Variants in FZD5 observed in about 807,000 individuals in gnomAD.
FZD5 encodes the protein frizzled-5.
FZD5 carries 12 observed loss-of-function variants against 40.8 expected under a neutral mutation model. That is an observed-to-expected ratio of 0.29 (90% CI 0.19 to 0.48). FZD5 has a LOEUF of 0.48. Among genes scored for constraint, FZD5 ranks in the 20% least tolerant of loss-of-function variants. The probability of loss-of-function intolerance (pLI) is 0.99; values close to 1 mark genes in which losing one functional copy is unlikely to be tolerated. For missense variants in FZD5, 622 were observed against 832.8 expected, an observed-to-expected ratio of 0.75 and a Z score of 3.12; for synonymous variants, 380 against 383.7, an observed-to-expected ratio of 0.99 and a Z score of 0.11.
rs1055002036 is a variant in FZD5, at chr2:207,768,781, GCA to G, written c.-44_-43del. 9.1e-6 allele frequency: 13 copies of G among 1,434,334 alleles called. No homozygotes were observed. The African/African-American group carries it at 1.7e-4, about 19-fold the overall frequency. 88.9% of individuals were successfully genotyped at this position (1,434,334 alleles called of 1,614,324 possible). On this transcript the variant is annotated 5_prime_UTR_variant, in exon 2 of 2. Transcript: ENST00000295417. The stretch of plus-strand genomic sequence containing the variant: ...TCGCCTCCAGCAGCCCGCGAGGGAC[GCA>G]CACAGGCAGAGGAATCCGGGCCGGG...
Position 207,768,428 on chromosome 2 carries a change from G to A in FZD5, c.312C>T (p.Pro104=), listed in dbSNP as rs368240001. The change falls in exon 2 of 2, where the codon CCC becomes CCT. Residue 104 remains proline, a synonymous_variant. Coordinates refer to ENST00000295417, the MANE Select transcript of FZD5 (RefSeq NM_003468.4). The part of the protein sequence containing the change: ...CLPDYHKPLP[P]CRSVCERAKA... ...TGGCGCGCTCGCACACCGAGCGGCA[G>A]GGCGGCAGCGGCTTGTGGTAGTCGG... is the stretch of plus-strand genomic sequence containing the variant. The A allele has an allele frequency of 7.5e-6, 12 of 1,608,984 alleles. No homozygotes were observed. In the African/African-American group the frequency reaches 1.3e-4, roughly 18 times the overall value.
Position 207,764,431 on chromosome 2 carries a change from G to C in FZD5, c.*2551C>G, listed in dbSNP as rs560452345. 1.2e-4 allele frequency: 19 copies of C among 152,272 alleles called. No homozygotes were observed. Among genetic ancestry groups the C allele is most frequent in the African/African-American group, 4.6e-4 (19 of 41,532 alleles). 9.4% of individuals were successfully genotyped at this position (152,272 alleles called of 1,614,324 possible). ...GGGTGGCTGATCTCAGTAAGACTTA[G>C]GGATGCAGGTGGGCTTTTATCTTTG... On this transcript the variant is annotated 3_prime_UTR_variant, in exon 2 of 2. Transcript: ENST00000295417.
rs750398556 is a variant in FZD5, at chr2:207,767,107, G to A, written c.1633C>T (p.His545Tyr). 1.2e-4 allele frequency: 181 copies of A among 1,570,216 alleles called. No individual in the cohort carries two copies. The East Asian group carries it at 4.1e-3, about 35-fold the overall frequency. Residue 545 changes from histidine (H) to tyrosine (Y), a missense_variant, in exon 2 of 2, where the codon CAC becomes TAC. By Grantham distance (83) the His-to-Tyr change is moderately conservative. Transcript: ENST00000295417. ...SRCCCRPRRG[H>Y]KSGGAMAAGD... ...GCGGCCATGGCGCCCCCGCTCTTGT[G>A]GCCGCGCCGCGGGCGGCAGCAGCAG...
Position 207,768,920 on chromosome 2 carries a change from C to T in FZD5, c.-181G>A. 1 of 601,360 alleles carries T rather than the reference C, an allele frequency of 1.7e-6. No homozygotes were observed. The highest frequency in any genetic ancestry group is 3.0e-6 in the Non-Finnish European group (1 of 334,744). 37.3% of individuals were successfully genotyped at this position (601,360 alleles called of 1,614,324 possible). A position where few individuals can be genotyped will look rare whatever the true frequency, so the allele number is the denominator to read the frequency against. ...AACTGCTTCGGGAAGGCGCTGCCTC[C>T]GCTGGCAGCGCTCCGCTCCTCGCCG... On this transcript the variant is annotated 5_prime_UTR_variant, in exon 2 of 2. Coordinates refer to ENST00000295417, the MANE Select transcript of FZD5 (RefSeq NM_003468.4).
chr2:207,768,362 G>A lies in FZD5; in HGVS notation c.378C>T (p.Ala126=). 1.3e-6 allele frequency: 2 copies of A among 1,588,210 alleles called. No homozygotes were observed. The highest frequency in any genetic ancestry group is 8.5e-7 in the Non-Finnish European group (1 of 1,171,726). ...CSPLMRQYGF[A]WPERMSCDRL... is the part of the protein sequence containing the mutation. ...GGTCGCAGCTCATGCGCTCGGGCCA[G>A]GCGAAGCCGTACTGGCGCATCAGCG... is the stretch of plus-strand genomic sequence containing the variant. The change falls in exon 2 of 2, where the codon GCC becomes GCT. Residue 126 remains alanine (A), a synonymous_variant. Coordinates refer to ENST00000295417, the MANE Select transcript of FZD5 (RefSeq NM_003468.4).
Position 207,768,780 on chromosome 2 carries a change from C to A in FZD5, c.-41G>T, listed in dbSNP as rs747465454. ...CTCGCCTCCAGCAGCCCGCGAGGGA[C>A]GCACACAGGCAGAGGAATCCGGGCC... On this transcript the variant is annotated 5_prime_UTR_variant, in exon 2 of 2. Coordinates refer to ENST00000295417, the MANE Select transcript of FZD5 (RefSeq NM_003468.4). 14 of 1,435,474 alleles carry A rather than the reference C, an allele frequency of 9.8e-6. No individual in the cohort carries two copies. The South Asian group carries it at 1.5e-4, about 16-fold the overall frequency. The allele number at this position is 1,435,474 out of a possible 1,614,324, so 88.9% of individuals were successfully genotyped here.
In FZD5 at chr2:207,767,859, G is replaced by C; in HGVS notation, c.881C>G (p.Ala294Gly). ...GTGCTCGCGGCTGCAGGCCACGCTG[G>C]CATGGCCCACGACCAGACGCACCAG... is the stretch of plus-strand genomic sequence containing the variant. Reference protein sequence around the residue: ...GFLVRLVVGHASVACSREHNH... With the variant: ...GFLVRLVVGHGSVACSREHNH... Residue 294 changes from alanine to glycine, a missense_variant, in exon 2 of 2, where the codon GCC becomes GGC. By Grantham distance (60) the Ala-to-Gly change is moderately conservative. Around this residue, in one of 4 missense-constraint regions of FZD5, gnomAD observed 208 missense variants for 348.9 expected, o/e 0.60. Coordinates refer to ENST00000295417, the MANE Select transcript of FZD5 (RefSeq NM_003468.4). 1 of 1,599,304 alleles carries C rather than the reference G, an allele frequency of 6.3e-7. No homozygotes were observed. Among genetic ancestry groups the C allele is most frequent in the Non-Finnish European group, 8.5e-7 (1 of 1,173,202 alleles).
chr2:207,765,319 A>G lies in FZD5; in HGVS notation c.*1663T>C, dbSNP rs1261221947. The G allele has an allele frequency of 2.0e-5, 3 of 152,154 alleles. No homozygotes were observed. Among genetic ancestry groups the G allele is most frequent in the Non-Finnish European group, 4.4e-5 (3 of 68,030 alleles). The allele number at this position is 152,154 out of a possible 1,614,324, so 9.4% of individuals were successfully genotyped here. ...TTTAGCTTCCTAAATTTAGTCCCCA[A>G]TCCTGGTCATTGGTATTTTGCTGGC... On this transcript the variant is annotated 3_prime_UTR_variant, in exon 2 of 2. Transcript: ENST00000295417.
At position 207,765,702 on chromosome 2, in the gene FZD5, G is replaced by A. The variant is rs1458828134; in HGVS notation, c.*1280C>T. 3 of 152,568 alleles carry A rather than the reference G, an allele frequency of 2.0e-5. No homozygotes were observed. In the East Asian group the frequency reaches 5.8e-4, roughly 30 times the overall value. 9.5% of individuals were successfully genotyped at this position (152,568 alleles called of 1,614,324 possible). A position where few individuals can be genotyped will look rare whatever the true frequency, so the allele number is the denominator to read the frequency against. On this transcript the variant is annotated 3_prime_UTR_variant, in exon 2 of 2. Coordinates refer to ENST00000295417, the MANE Select transcript of FZD5 (RefSeq NM_003468.4). ...CAGAGAGCAACGTCTTGCTGCTCTT[G>A]GAATATCTGGCTATAAACTAGTCCA...
chr2:207,764,469 G>A lies in FZD5; in HGVS notation c.*2513C>T. 6.6e-6 allele frequency: 1 copy of A among 152,296 alleles called. No individual in the cohort carries two copies. The highest frequency in any genetic ancestry group is 1.9e-4 in the East Asian group (1 of 5,186). 9.4% of individuals were successfully genotyped at this position (152,296 alleles called of 1,614,324 possible). Reference sequence around the variant, plus strand: ...GCTTTTATCTTTGTCTCTCTTAGGGGATGAGGGAAGAGAGGGACAGCAGAG... The same window carrying A: ...GCTTTTATCTTTGTCTCTCTTAGGGAATGAGGGAAGAGAGGGACAGCAGAG... On this transcript the variant is annotated 3_prime_UTR_variant, in exon 2 of 2. Coordinates refer to ENST00000295417, the MANE Select transcript of FZD5 (RefSeq NM_003468.4).
In FZD5 at chr2:207,768,803, G is replaced by A. The variant is rs2091995955; in HGVS notation, c.-64C>T. ...GACGCACACAGGCAGAGGAATCCGG[G>A]CCGGGGCTTCTCCCTCCGGCGTCTC... On this transcript the variant is annotated 5_prime_UTR_variant, in exon 2 of 2. Coordinates refer to ENST00000295417, the MANE Select transcript of FZD5 (RefSeq NM_003468.4). The A allele has an allele frequency of 5.3e-6, 7 of 1,314,766 alleles. No homozygotes were observed. In the South Asian group the frequency reaches 6.1e-5, roughly 12 times the overall value. 81.4% of individuals were successfully genotyped at this position (1,314,766 alleles called of 1,614,324 possible).
At position 207,767,528 on chromosome 2, in the gene FZD5, C is replaced by T; in HGVS notation, c.1212G>A (p.Val404=). Residue 404 remains valine, a synonymous_variant, in exon 2 of 2, where the codon GTG becomes GTA. Transcript: ENST00000295417. The part of the protein sequence containing the change: ...NQNLNSLRGF[V]LGPLVLYLLV... ...GCAGGTAGAGCACCAGCGGGCCCAG[C>T]ACGAAGCCGCGCAGCGAGTTCAGGT... is the stretch of plus-strand genomic sequence containing the variant. 6.2e-7 allele frequency: 1 copy of T among 1,609,694 alleles called. No individual in the cohort carries two copies. The highest frequency in any genetic ancestry group is 8.5e-7 in the Non-Finnish European group (1 of 1,179,878).
chr2:207,768,293 A>G lies in FZD5; in HGVS notation c.447T>C (p.Asp149=), dbSNP rs772017081. The G allele has an allele frequency of 1.3e-6, 2 of 1,544,082 alleles. No individual in the cohort carries two copies. Among genetic ancestry groups the G allele is most frequent in the African/African-American group, 1.4e-5 (1 of 73,476 alleles). The change falls in exon 2 of 2, where the codon GAT becomes GAC. Residue 149 remains aspartate, a synonymous_variant. Coordinates refer to ENST00000295417, the MANE Select transcript of FZD5 (RefSeq NM_003468.4). ...CCGTGGTGGCCTCGCTGCGGTTGTA[A>G]TCCATGCAGAGGACCTCGGCGTCGC... ...LGRDAEVLCM[D]YNRSEATTAP... is the part of the protein sequence containing the mutation.
rs528269308 is a variant in FZD5, at chr2:207,765,209, A to G, written c.*1773T>C. 1 of 152,318 alleles carries G rather than the reference A, an allele frequency of 6.6e-6. No individual in the cohort carries two copies. Among genetic ancestry groups the G allele is most frequent in the Middle Eastern group, 3.4e-3 (1 of 294 alleles). The allele number at this position is 152,318 out of a possible 1,614,324, so 9.4% of individuals were successfully genotyped here. On this transcript the variant is annotated 3_prime_UTR_variant, in exon 2 of 2. Transcript: ENST00000295417. ...CCTAGGCTTAAATTTTACTTTTCCA[A>G]CTTTGGTATAAGTGAATTACAAATG...
In FZD5 at chr2:207,768,815, C is replaced by T; in HGVS notation, c.-76G>A. 2 of 1,221,876 alleles carry T rather than the reference C, an allele frequency of 1.6e-6. 1 individual carries two copies. Among genetic ancestry groups the T allele is most frequent in the South Asian group, 3.2e-5 (2 of 62,548 alleles). The allele number at this position is 1,221,876 out of a possible 1,614,324, so 75.7% of individuals were successfully genotyped here. A position where few individuals can be genotyped will look rare whatever the true frequency, so the allele number is the denominator to read the frequency against. The stretch of plus-strand genomic sequence containing the variant: ...CAGAGGAATCCGGGCCGGGGCTTCT[C>T]CCTCCGGCGTCTCGTGTGTGGCGCC... On this transcript the variant is annotated 5_prime_UTR_variant, in exon 2 of 2. Transcript: ENST00000295417.
rs994393621 is a variant in FZD5, at chr2:207,769,548, T to G, written c.-539A>C. On this transcript the variant is annotated 5_prime_UTR_variant, in exon 1 of 2. Transcript: ENST00000295417. ...CCGGGCAGGGGCAGGCCGTGCGTTC[T>G]CCCCGGGGCCGGGAGCCGGACGGAG... 6.6e-6 allele frequency: 1 copy of G among 152,282 alleles called. No homozygotes were observed. The highest frequency in any genetic ancestry group is 2.4e-5 in the African/African-American group (1 of 41,436). 9.4% of individuals were successfully genotyped at this position (152,282 alleles called of 1,614,324 possible).
rs2091995622 is a variant in FZD5, at chr2:207,768,747, T to C, written c.-8A>G. The stretch of plus-strand genomic sequence containing the variant: ...TGGGTCAGGCCGAGCCATCGCCCCC[T>C]CCCTCCCCTCGCCTCCAGCAGCCCG... On this transcript the variant is annotated 5_prime_UTR_variant, in exon 2 of 2. Coordinates refer to ENST00000295417, the MANE Select transcript of FZD5 (RefSeq NM_003468.4). 1 of 1,538,234 alleles carries C rather than the reference T, an allele frequency of 6.5e-7. No homozygotes were observed. The highest frequency in any genetic ancestry group is 8.8e-7 in the Non-Finnish European group (1 of 1,141,988).
Position 207,765,062 on chromosome 2 carries a change from A to C in FZD5, c.*1920T>G, listed in dbSNP as rs988609423. The stretch of plus-strand genomic sequence containing the variant: ...TGGGTAAGAGCAGTGCATTTTAATA[A>C]ATGTGAAGTTTTTGAGAGTCCTTAC... On this transcript the variant is annotated 3_prime_UTR_variant, in exon 2 of 2. Coordinates refer to ENST00000295417, the MANE Select transcript of FZD5 (RefSeq NM_003468.4). The C allele has an allele frequency of 2.0e-5, 3 of 152,238 alleles. No homozygotes were observed. The highest frequency in any genetic ancestry group is 7.2e-5 in the African/African-American group (3 of 41,456). The allele number at this position is 152,238 out of a possible 1,614,324, so 9.4% of individuals were successfully genotyped here. A position where few individuals can be genotyped will look rare whatever the true frequency, so the allele number is the denominator to read the frequency against.
chr2:207,767,789 G>A lies in FZD5; in HGVS notation c.951C>T (p.Ile317=), dbSNP rs148734612. The stretch of plus-strand genomic sequence containing the variant: ...CGAAGAAGTAGACCAGGAGGAAGAC[G>A]ATGGTGCACAGTGCAGGGCCCGTGG... ...YETTGPALCT[I]VFLLVYFFGM... Residue 317 remains isoleucine, a synonymous_variant, in exon 2 of 2, where the codon ATC becomes ATT. Transcript: ENST00000295417. 9.3e-6 allele frequency: 15 copies of A among 1,613,408 alleles called. No homozygotes were observed. The Admixed American group carries it at 2.2e-4, about 23-fold the overall frequency.
Sources: allele counts gnomAD v4.1 joint callset, GRCh38; gene constraint gnomAD v4.1.1; regional missense constraint gnomAD v4.1.1; transcripts MANE v1.5; gene names NCBI Gene and HGNC (gene_info 2026-07-23, HGNC 2026-07-21).